PIP4K2B: variants seen among roughly 807,000 people sequenced by gnomAD.
PIP4K2B encodes phosphatidylinositol-5-phosphate 4-kinase type 2 beta.
Under a neutral mutation model 42.0 loss-of-function variants are expected in PIP4K2B, and 3 were observed. The observed-to-expected ratio is 0.07, with a 90% CI of 0.03 to 0.18. The LOEUF is 0.18. Ranked by LOEUF, PIP4K2B falls within the 10% of genes least tolerant of loss-of-function variation. The probability of loss-of-function intolerance (pLI) is 1.00; values close to 1 mark genes in which losing one functional copy is unlikely to be tolerated. For missense variants in PIP4K2B, 332 were observed against 562.3 expected (o/e 0.59, Z 4.14); for synonymous variants, 204 against 210.1 (o/e 0.97, Z 0.25).
intron 2 of PIP4K2B, 120 bp downstream of exon 2, chr17:38,786,703 G>A: frequency 1.4e-6 from 1 of 731,346 alleles, no homozygotes; most frequent in Non-Finnish European, 2.5e-6. Context: ...AGATCCAGGT[G>A]CTGCTGTCAC....
intron 2 of PIP4K2B, among the ~76,000 whole-genome samples, chr17:38,786,158 C>G (rs1450015100): frequency 6.6e-6 from 1 of 152,212 alleles, no homozygotes; most frequent in Admixed American, 6.5e-5. Context: ...CCAGGATTCA[C>G]ATGCAGAAAG....
Position 38,771,029 on chromosome 17 carries a change from T to C in PIP4K2B, c.1051A>G (p.Met351Val), listed in dbSNP as rs764191588. The C allele has an allele frequency of 1.2e-5, 19 of 1,614,010 alleles. No individual in the cohort carries two copies. The highest frequency in any genetic ancestry group is 1.6e-5 in the Non-Finnish European group (19 of 1,180,028). ...EFDPSVDVYA[M>V]KSHESSPKKE... The stretch of plus-strand genomic sequence containing the variant: ...TCTGACTTACTTTCATGGCTTTTCA[T>C]GGCATAGACGTCAACAGAGGGGTCG... Residue 351 changes from methionine (M) to valine (V), a missense_variant, in exon 8 of 10, where the codon ATG becomes GTG. Around this residue, in one of 6 missense-constraint regions of PIP4K2B, gnomAD observed 63 missense variants for 71.6 expected, o/e 0.88. Coordinates refer to ENST00000619039, the MANE Select transcript of PIP4K2B (RefSeq NM_003559.5).
At chr17:38,778,797 T>G (rs1328859091) in intron 5 of PIP4K2B, among the ~76,000 whole-genome samples, 1 of 152,166 alleles carries the variant, frequency 6.6e-6, no homozygotes, top group Non-Finnish European at 1.5e-5. Context: ...GTATTTGGGC[T>G]GAGCTCAGAA....
chr17:38,797,005 T>TACTGCAGACCAGGATGAAGCAATA (rs1411423890), intron 1 of PIP4K2B, among the ~76,000 whole-genome samples: 1 of 152,154 alleles, frequency 6.6e-6, no homozygotes. Context: ...TATCAGACCT[T>TACTGCAGACCAGGATGAAGCAATA]ACTGCAGACC....
In PIP4K2B at chr17:38,769,004, G is replaced by T. The variant is rs1908861483; in HGVS notation, c.*687C>A. 6.6e-6 allele frequency: 1 copy of T among 152,650 alleles called. No individual in the cohort carries two copies. Among genetic ancestry groups the T allele is most frequent in the African/African-American group, 2.4e-5 (1 of 41,444 alleles). 9.5% of individuals were successfully genotyped at this position (152,650 alleles called of 1,614,324 possible). A position where few individuals can be genotyped will look rare whatever the true frequency, so the allele number is the denominator to read the frequency against. On this transcript the variant is annotated 3_prime_UTR_variant, in exon 10 of 10. Coordinates refer to ENST00000619039, the MANE Select transcript of PIP4K2B (RefSeq NM_003559.5). The stretch of plus-strand genomic sequence containing the variant: ...ATTCCCCTCTGAGATCTCTGATTCT[G>T]ATCTGAGATCTCTGGTGTTGACCTG...
At chr17:38,780,847 GGACT>G (rs2143395831) in intron 3 of PIP4K2B, among the ~76,000 whole-genome samples, 1 of 152,306 alleles carries the variant, frequency 6.6e-6, no homozygotes, top group East Asian at 1.9e-4. Flanking sequence ...GATGGGAAGA[GGACT>G]GACTGTGAAA....
intron 7 of PIP4K2B, among the ~76,000 whole-genome samples, chr17:38,771,740 C>G (rs765229449): frequency 6.6e-6 from 1 of 151,964 alleles, no homozygotes; most frequent in Non-Finnish European, 1.5e-5. Flanking sequence ...TCAAGAGAGG[C>G]CATGGTGGCT....
chr17:38,799,021 G>A lies in PIP4K2B; in HGVS notation c.159+245C>T, dbSNP rs896252110. Reference sequence around the variant, plus strand: ...GCCCCAAGCGAGCACGCCACACGCAGGAAGCCAGAAGGGCTGGAGGGAAGG... The same window carrying A: ...GCCCCAAGCGAGCACGCCACACGCAAGAAGCCAGAAGGGCTGGAGGGAAGG... On this transcript the variant is annotated intron_variant, in intron 1 of 9. Transcript: ENST00000619039. The surrounding 1 kb of genome is among the most constrained non-coding windows in gnomAD (Gnocchi z 4.4). Among the ~76,000 whole-genome samples the A allele has an allele frequency of 4.6e-5, 7 of 152,230 alleles. No homozygotes were observed. Among genetic ancestry groups the A allele is most frequent in the Admixed American group, 3.9e-4 (6 of 15,292 alleles).
chr17:38,784,156 C>G, intron 3 of PIP4K2B, 87 bp downstream of exon 3: 1 of 799,324 alleles, frequency 1.3e-6, no homozygotes, highest in Admixed American at 2.1e-5. Flanking sequence ...CAAAAACAGC[C>G]AACACGTTTT....
At chr17:38,789,683 C>T (rs1910241443) in intron 1 of PIP4K2B, among the ~76,000 whole-genome samples, 1 of 152,144 alleles carries the variant, frequency 6.6e-6, no homozygotes, top group African/African-American at 2.4e-5. Flanking sequence ...AATGCAGTAA[C>T]TGGGCTGGGG....
Position 38,769,211 on chromosome 17 carries a change from A to C in PIP4K2B, c.*480T>G. On this transcript the variant is annotated 3_prime_UTR_variant, in exon 10 of 10. Coordinates refer to ENST00000619039, the MANE Select transcript of PIP4K2B (RefSeq NM_003559.5). ...ATCCATAGCACTTGGTTCTGGAAGG[A>C]CCCTTGTGCTGGGTCTACCGGGTAT... The C allele has an allele frequency of 6.3e-6, 1 of 159,010 alleles. No homozygotes were observed. Among genetic ancestry groups the C allele is most frequent in the Admixed American group, 6.1e-5 (1 of 16,344 alleles). The allele number at this position is 159,010 out of a possible 1,614,324, so 9.8% of individuals were successfully genotyped here.
chr17:38,769,857 G>T, intron 9 of PIP4K2B, 86 bp from the exon 10 acceptor site: 1 of 1,248,864 alleles, frequency 8.0e-7, no homozygotes, highest in Non-Finnish European at 1.2e-6. Context: ...GTATTCAGAA[G>T]CCTCTTACTC....
At chr17:38,781,128 C>T (rs1271686984) in intron 3 of PIP4K2B, among the ~76,000 whole-genome samples, 1 of 152,120 alleles carries the variant, frequency 6.6e-6, no homozygotes, top group Non-Finnish European at 1.5e-5. Flanking sequence ...TCTCTTGTCC[C>T]TGGATCTACC....
chr17:38,778,552 C>G (rs765433322), intron 5 of PIP4K2B, among the ~76,000 whole-genome samples, 180 bp from the exon 6 acceptor site: 4 of 152,174 alleles, frequency 2.6e-5, no homozygotes, highest in Non-Finnish European at 5.9e-5. Flanking sequence ...GTGCAAGACA[C>G]TTTTTAGGTG....
At chr17:38,791,406 ATTTTTTTT>A (rs58027566) in intron 1 of PIP4K2B, among the ~76,000 whole-genome samples, 5 of 91,156 alleles carry the variant, frequency 5.5e-5, no homozygotes, top group Admixed American at 1.3e-4. Context: ...CAGACTGCCA[ATTTTTTTT>A]TTTTTTTTTT....
rs1478165918 is a variant in PIP4K2B, at chr17:38,784,099, G to T, written c.354+144C>A. The T allele has an allele frequency of 1.2e-5, 7 of 589,602 alleles. No individual in the cohort carries two copies. In the Admixed American group the frequency reaches 2.1e-4, roughly 18 times the overall value. 36.5% of individuals were successfully genotyped at this position (589,602 alleles called of 1,614,324 possible). A position where few individuals can be genotyped will look rare whatever the true frequency, so the allele number is the denominator to read the frequency against. On this transcript the variant is annotated intron_variant, in intron 3 of 9. Transcript: ENST00000619039. The stretch of plus-strand genomic sequence containing the variant: ...CCTGCAAGGGGCCCCCAGTGCTGGG[G>T]GAGAGACCGCCTGGGCTGGAGCAAG...
chr17:38,772,699 A>G (rs1407956876), intron 7 of PIP4K2B, among the ~76,000 whole-genome samples: 1 of 152,152 alleles, frequency 6.6e-6, no homozygotes, highest in Non-Finnish European at 1.5e-5. Flanking sequence ...CTCCTGTCTC[A>G]GCCTCCCAAG....
intron 3 of PIP4K2B, among the ~76,000 whole-genome samples, chr17:38,783,811 G>C (rs2143415898): frequency 6.6e-6 from 1 of 152,208 alleles, no homozygotes; most frequent in East Asian, 1.9e-4. Context: ...ATGTTGGCCA[G>C]GCTGGTCTCA....
chr17:38,770,815 G>A (rs1908980888), intron 8 of PIP4K2B, among the ~76,000 whole-genome samples, 199 bp downstream of exon 8: 1 of 152,100 alleles, frequency 6.6e-6, no homozygotes, highest in Non-Finnish European at 1.5e-5. Flanking sequence ...AGGACAAGCA[G>A]GGAAGTATAG....
Sources: allele counts gnomAD v4.1 joint callset (sites outside exome capture counted in the v4.1 genomes callset), GRCh38; gene constraint gnomAD v4.1.1; regional missense constraint gnomAD v4.1.1; non-coding constraint Gnocchi (gnomAD v3.1); transcripts MANE v1.5; gene names NCBI Gene and HGNC (gene_info 2026-07-23, HGNC 2026-07-21).